Variants in AFG1L observed in about 807,000 individuals in gnomAD.
AFG1L encodes the protein AFG1 like ATPase.
A neutral mutation model predicts 62.2 loss-of-function variants in AFG1L; 53 were observed. The ratio of observed to expected loss-of-function variants is 0.85; its 90% CI spans 0.68 to 1.07. The LOEUF (loss-of-function observed/expected upper bound fraction) is 1.07. Ranked by LOEUF, AFG1L falls within the 50% of genes least tolerant of loss-of-function variation. The probability of loss-of-function intolerance (pLI) is 0.00; values close to 1 mark genes in which losing one functional copy is unlikely to be tolerated. For missense variants in AFG1L, 555 were observed against 590.5 expected (o/e 0.94, Z 0.62); for synonymous variants, 228 against 210.3 (o/e 1.08, Z -0.73).
At chr6:108,484,524 C>G (rs1773447277) in intron 10 of AFG1L, among the ~76,000 whole-genome samples, 1 of 152,156 alleles carries the variant, frequency 6.6e-6, no homozygotes, top group Non-Finnish European at 1.5e-5. Flanking sequence ...CCTTATCTAA[C>G]CGTTCAACCA....
intron 6 of AFG1L, among the ~76,000 whole-genome samples, chr6:108,377,065 T>TC (rs548284349): frequency 1.0e-3 from 157 of 152,240 alleles, no homozygotes; most frequent in African/African-American, 3.6e-3. Context: ...GTCTTTTTTT[T>TC]CTGCCTTTTT....
intron 7 of AFG1L, among the ~76,000 whole-genome samples, chr6:108,443,588 T>C (rs1325744034): frequency 6.6e-6 from 1 of 152,060 alleles, no homozygotes; most frequent in African/African-American, 2.4e-5. Flanking sequence ...AAAAATGCAG[T>C]TTTTGACTGG....
chr6:108,323,629 G>A (rs1777907739), intron 1 of AFG1L, among the ~76,000 whole-genome samples, 196 bp from the exon 2 acceptor site: 1 of 152,108 alleles, frequency 6.6e-6, no homozygotes, highest in Non-Finnish European at 1.5e-5. Flanking sequence ...CCAAAGTGCT[G>A]GAATTACAGG....
intron 6 of AFG1L, among the ~76,000 whole-genome samples, chr6:108,374,230 A>G (rs1780142652): frequency 6.6e-6 from 1 of 152,044 alleles, no homozygotes; most frequent in Non-Finnish European, 1.5e-5. Flanking sequence ...TAGATTCTGG[A>G]TATTAGACCT....
chr6:108,308,792 A>G (rs1008266695), intron 1 of AFG1L, among the ~76,000 whole-genome samples: 1 of 151,650 alleles, frequency 6.6e-6, no homozygotes, highest in Admixed American at 6.6e-5. Context: ...CAGCCTCTCC[A>G]CCTCCCAGGT....
intron 7 of AFG1L, among the ~76,000 whole-genome samples, chr6:108,402,280 T>C (rs1781656141): frequency 6.6e-6 from 1 of 151,912 alleles, no homozygotes; most frequent in South Asian, 2.1e-4. Context: ...CTGACCAACA[T>C]GGTGAAACCC....
At chr6:108,515,391 G>A (rs1416701170) in intron 11 of AFG1L, among the ~76,000 whole-genome samples, 2 of 152,184 alleles carry the variant, frequency 1.3e-5, no homozygotes, top group Non-Finnish European at 2.9e-5. Context: ...GCCTGCTCCT[G>A]AATGAACTAC....
At chr6:108,383,996 C>G (rs1780653698) in intron 6 of AFG1L, among the ~76,000 whole-genome samples, 1 of 147,800 alleles carries the variant, frequency 6.8e-6, no homozygotes, top group Admixed American at 6.9e-5. Flanking sequence ...AATGATCTTT[C>G]TGCAGGTAAT....
At chr6:108,394,063 T>C (rs1423514362) in intron 6 of AFG1L, among the ~76,000 whole-genome samples, 1 of 148,220 alleles carries the variant, frequency 6.7e-6, no homozygotes, top group African/African-American at 2.5e-5. Flanking sequence ...CCTCCTCCTT[T>C]CCTTTCCTTC....
chr6:108,365,884 C>T (rs376523634), intron 5 of AFG1L, among the ~76,000 whole-genome samples: 12 of 151,744 alleles, frequency 7.9e-5, no homozygotes, highest in East Asian at 5.8e-4. Context: ...GTGTGGGAAG[C>T]GGGTGGGAAG....
intron 3 of AFG1L, among the ~76,000 whole-genome samples, chr6:108,350,835 C>A (rs1257700688): frequency 1.3e-5 from 2 of 152,160 alleles, no homozygotes; most frequent in African/African-American, 4.8e-5. Flanking sequence ...ATTCTAGTTT[C>A]ACCAGGTGAA....
At chr6:108,312,427 G>A (rs1005576145) in intron 1 of AFG1L, among the ~76,000 whole-genome samples, 1 of 152,100 alleles carries the variant, frequency 6.6e-6, no homozygotes, top group East Asian at 1.9e-4. Context: ...TGTACCTGTA[G>A]TCCCAGCTAC....
In AFG1L at chr6:108,321,333, G is replaced by C. The variant is rs567506439; in HGVS notation, c.140-2492G>C. On this transcript the variant is annotated intron_variant, in intron 1 of 12. Transcript: ENST00000368977. ...AGCCCAGTAGAAGAGATGGCCTAGG[G>C]GGATACCTAGAGGTTGAACGCACCT... Among the ~76,000 whole-genome samples, 83 of 152,240 alleles carry C rather than the reference G, an allele frequency of 5.5e-4. 1 individual carries two copies. The highest frequency in any genetic ancestry group is 1.9e-3 in the African/African-American group (80 of 41,534).
intron 8 of AFG1L, among the ~76,000 whole-genome samples, chr6:108,465,946 C>A (rs577364910): frequency 2.2e-4 from 33 of 152,118 alleles, no homozygotes; most frequent in African/African-American, 7.2e-4. Flanking sequence ...AACTCCTGGG[C>A]TCAAGTGATC....
chr6:108,493,464 G>C (rs1773846224), intron 10 of AFG1L, among the ~76,000 whole-genome samples: 1 of 152,194 alleles, frequency 6.6e-6, no homozygotes, highest in South Asian at 2.1e-4. Flanking sequence ...GAATAAAGAA[G>C]CTAGGCAAGA....
intron 5 of AFG1L, among the ~76,000 whole-genome samples, chr6:108,357,494 A>T (rs1238124634): frequency 1.3e-5 from 2 of 152,254 alleles, no homozygotes; most frequent in Non-Finnish European, 2.9e-5. Flanking sequence ...TCAGTCTTTT[A>T]TACAAAAAGT....
Position 108,323,890 on chromosome 6 carries a change from T to G in AFG1L, c.205T>G (p.Leu69Val). 6.2e-7 allele frequency: 1 copy of G among 1,614,208 alleles called. No individual in the cohort carries two copies. The highest frequency in any genetic ancestry group is 2.2e-5 in the East Asian group (1 of 44,886). The change falls in exon 2 of 13, where the codon TTG (leucine) becomes GTG (valine). Residue 69 changes from leucine to valine, a missense_variant. Coordinates refer to ENST00000368977, the MANE Select transcript of AFG1L (RefSeq NM_145315.5). ...TATSETYLKA[L>V]AVCHGPLDHY... The stretch of plus-strand genomic sequence containing the variant: ...CACTTCAGAGACTTATTTGAAAGCT[T>G]TGGCCGTTTGCCATGGACCTCTGGA...
At chr6:108,420,265 A>G (rs1218350163) in intron 7 of AFG1L, among the ~76,000 whole-genome samples, 1 of 151,988 alleles carries the variant, frequency 6.6e-6, no homozygotes, top group Non-Finnish European at 1.5e-5. Flanking sequence ...TGAATTGGAA[A>G]GAGTTGTTGC....
intron 7 of AFG1L, among the ~76,000 whole-genome samples, chr6:108,415,256 T>C (rs1205365221): frequency 6.6e-6 from 1 of 152,128 alleles, no homozygotes; most frequent in Non-Finnish European, 1.5e-5. Flanking sequence ...AAACCACTGC[T>C]CAACTAAATA....
Sources: gnomAD v4.1 joint callset for allele counts (sites outside exome capture counted in the v4.1 genomes callset) on GRCh38, gnomAD v4.1.1 for gene constraint, MANE v1.5 for transcripts, NCBI Gene and HGNC (gene_info 2026-07-23, HGNC 2026-07-21) for gene names.